CEP112: variants seen among roughly 807,000 people sequenced by gnomAD.
The protein encoded by CEP112 is centrosomal protein 112.
Under a neutral mutation model 153.0 loss-of-function variants are expected in CEP112, and 127 were observed. The observed-to-expected ratio is 0.83, with a 90% CI of 0.72 to 0.96. The LOEUF (loss-of-function observed/expected upper bound fraction) is 0.96. Among genes scored for constraint, CEP112 ranks in the 40% least tolerant of loss-of-function variants. The pLI is 0.00. For synonymous variants in CEP112, 358 were observed against 374.4 expected (o/e 0.96, Z 0.51); for missense variants, 1,089 against 1,101.2 (o/e 0.99, Z 0.16).
chr17:65,831,972 C>T (rs1256857778), intron 21 of CEP112, among the ~76,000 whole-genome samples: 4 of 152,028 alleles, frequency 2.6e-5, no homozygotes, highest in African/African-American at 4.8e-5. Context: ...GCAAAAGAAC[C>T]GAAATCATAC....
chr17:65,927,893 T>C (rs2060986005), intron 18 of CEP112, among the ~76,000 whole-genome samples: 1 of 152,176 alleles, frequency 6.6e-6, no homozygotes, highest in Non-Finnish European at 1.5e-5. Flanking sequence ...AAAATTGGTA[T>C]ATAATTGACT....
At chr17:65,653,555 T>G (rs2045896321) in intron 24 of CEP112, among the ~76,000 whole-genome samples, 2 of 151,948 alleles carry the variant, frequency 1.3e-5, no homozygotes, top group Admixed American at 6.6e-5. Context: ...GGCCATCTGG[T>G]GTAAGAAGAG....
intron 23 of CEP112, among the ~76,000 whole-genome samples, chr17:65,731,779 C>A (rs1598420318): frequency 6.6e-6 from 1 of 152,144 alleles, no homozygotes; most frequent in Non-Finnish European, 1.5e-5. Flanking sequence ...GATTCCATCT[C>A]AAGAAAACAT....
chr17:66,000,328 C>T (rs2063978979), intron 17 of CEP112, among the ~76,000 whole-genome samples: 2 of 117,982 alleles, frequency 1.7e-5, no homozygotes, highest in African/African-American at 3.4e-5. Flanking sequence ...TGATGTTGAG[C>T]TTTTTTGCTT....
intron 21 of CEP112, among the ~76,000 whole-genome samples, chr17:65,822,275 G>A (rs1052347999): frequency 2.0e-5 from 3 of 151,984 alleles, no homozygotes; most frequent in South Asian, 2.1e-4. Context: ...GATGTATGGC[G>A]TAGGACACAA....
chr17:66,001,828 A>G (rs1397267456), intron 17 of CEP112, among the ~76,000 whole-genome samples: 1 of 152,174 alleles, frequency 6.6e-6, no homozygotes, highest in South Asian at 2.1e-4. Flanking sequence ...TCCTTTCATT[A>G]CAGTCTATTT....
intron 17 of CEP112, among the ~76,000 whole-genome samples, chr17:65,963,859 C>A: frequency 6.6e-6 from 1 of 152,178 alleles, no homozygotes; most frequent in South Asian, 2.1e-4. Flanking sequence ...TCCCATGTAT[C>A]CATCTACCTG....
chr17:65,963,521 G>A (rs2062291340), intron 17 of CEP112, among the ~76,000 whole-genome samples: 1 of 151,938 alleles, frequency 6.6e-6, no homozygotes, highest in East Asian at 1.9e-4. Flanking sequence ...CCACCAAATT[G>A]AAAACCTCTT....
intron 20 of CEP112, among the ~76,000 whole-genome samples, chr17:65,883,551 G>C (rs1310039065): frequency 6.6e-6 from 1 of 152,068 alleles, no homozygotes; most frequent in Non-Finnish European, 1.5e-5. Context: ...TTTTAGTAGA[G>C]ACAGGGCTTC....
At chr17:66,156,320 A>G (rs1312632870) in intron 4 of CEP112, among the ~76,000 whole-genome samples, 1 of 152,174 alleles carries the variant, frequency 6.6e-6, no homozygotes, top group Non-Finnish European at 1.5e-5. Context: ...TAACAAATAG[A>G]AAGGAATAGC....
chr17:66,081,629 G>T (rs1177113122), intron 8 of CEP112, among the ~76,000 whole-genome samples: 2 of 148,850 alleles, frequency 1.3e-5, no homozygotes, highest in Non-Finnish European at 3.0e-5. Context: ...AAAAAAAAAG[G>T]CCTAATTCCA....
At chr17:65,795,812 G>A (rs921305072) in intron 21 of CEP112, among the ~76,000 whole-genome samples, 17 of 151,776 alleles carry the variant, frequency 1.1e-4, no homozygotes, top group African/African-American at 2.4e-4. Flanking sequence ...GCTCTGTCTC[G>A]AAATAAATAA....
chr17:66,102,711 T>A (rs1477079497), intron 6 of CEP112, among the ~76,000 whole-genome samples: 2 of 144,798 alleles, frequency 1.4e-5, no homozygotes, highest in Non-Finnish European at 3.0e-5. Flanking sequence ...GGCAGGAGAA[T>A]GGCATGAACC....
chr17:65,973,798 G>A, intron 17 of CEP112, among the ~76,000 whole-genome samples: 1 of 152,140 alleles, frequency 6.6e-6, no homozygotes, highest in Admixed American at 6.5e-5. Context: ...TGATACATAT[G>A]TTCACACGTA....
intron 24 of CEP112, among the ~76,000 whole-genome samples, chr17:65,646,923 G>A (rs956064948): frequency 4.6e-5 from 7 of 152,122 alleles, no homozygotes; most frequent in Non-Finnish European, 7.3e-5. Context: ...TGGTTCCAGA[G>A]GACTCCCCAC....
chr17:66,078,956 A>G (rs1031976544), intron 8 of CEP112, among the ~76,000 whole-genome samples: 1 of 152,190 alleles, frequency 6.6e-6, no homozygotes, highest in African/African-American at 2.4e-5. Context: ...TAGGGCCCCA[A>G]TCCCTTCTAG....
At chr17:66,066,555 C>T (rs1434869854) in intron 10 of CEP112, among the ~76,000 whole-genome samples, 1 of 132,658 alleles carries the variant, frequency 7.5e-6, no homozygotes, top group African/African-American at 2.9e-5. Context: ...TACTCCATCA[C>T]TGTCACTACA....
chr17:65,820,564 T>C (rs1364701038), intron 21 of CEP112, among the ~76,000 whole-genome samples: 1 of 152,120 alleles, frequency 6.6e-6, no homozygotes, highest in East Asian at 1.9e-4. Context: ...ACATCATCCA[T>C]TTTACAGCCT....
chr17:65,798,190 A>G (rs907028765), intron 21 of CEP112, among the ~76,000 whole-genome samples: 2 of 152,130 alleles, frequency 1.3e-5, no homozygotes, highest in African/African-American at 4.8e-5. Context: ...TTGTCAGCCT[A>G]TGACCCTGAT....
Sources: gnomAD v4.1 joint callset for allele counts (sites outside exome capture counted in the v4.1 genomes callset) on GRCh38, gnomAD v4.1.1 for gene constraint, MANE v1.5 for transcripts, NCBI Gene and HGNC (gene_info 2026-07-23, HGNC 2026-07-21) for gene names.